The following MIDEAS variants were observed in gnomAD, a reference collection of about 807,000 sequenced individuals.
MIDEAS encodes mitotic deacetylase-associated SANT domain protein.
MIDEAS carries 26 observed loss-of-function variants against 102.7 expected under a neutral mutation model. The observed-to-expected ratio is 0.25, with a 90% CI of 0.19 to 0.35. The LOEUF (loss-of-function observed/expected upper bound fraction) is 0.35. Among genes scored for constraint, MIDEAS ranks in the 10% least tolerant of loss-of-function variants. The pLI is 1.00. For synonymous variants in MIDEAS, 585 were observed against 591.0 expected, an observed-to-expected ratio of 0.99 and a Z score of 0.15; for missense variants, 1,231 against 1,435.6, an observed-to-expected ratio of 0.86 and a Z score of 2.30.
intron 1 of MIDEAS, 116 bp from the exon 2 acceptor site, chr14:73,740,371 C>G: frequency 5.0e-6 from 2 of 398,224 alleles, no homozygotes; most frequent in Non-Finnish European, 8.8e-6. Flanking sequence ...CCTCATATCA[C>G]AGGGACAGGC....
rs1478941205 is a variant in MIDEAS at position 73,715,231 on chromosome 14, TATTA to T, written c.*3608_*3611del. 2.0e-5 allele frequency: 3 copies of T among 152,686 alleles called. No homozygotes were observed. The highest frequency in any genetic ancestry group is 4.8e-5 in the African/African-American group (2 of 41,468). The allele number at this position is 152,686 out of a possible 1,614,324, so 9.5% of individuals were successfully genotyped here. ...ATCACATCAGCAAGATTCTTTAGTG[TATTA>T]ATTTTTTTCTTATAAAAAGCACACA... On this transcript the variant is annotated 3_prime_UTR_variant, in exon 13 of 13. Transcript: ENST00000423556.
intron 4 of MIDEAS, chr14:73,729,104 C>T: frequency 6.5e-6 from 1 of 153,944 alleles, no homozygotes. Context: ...TCACCCCAAG[C>T]CAGCCCAATA....
At chr14:73,736,414 G>A (rs973802632) in intron 3 of MIDEAS, among the ~76,000 whole-genome samples, 2 of 151,918 alleles carry the variant, frequency 1.3e-5, no homozygotes, top group African/African-American at 4.8e-5. Flanking sequence ...GGCGGATCAC[G>A]AGGTCAGGAG....
At chr14:73,750,707 T>C (rs1156409106) in intron 1 of MIDEAS, among the ~76,000 whole-genome samples, 3 of 152,254 alleles carry the variant, frequency 2.0e-5, no homozygotes, top group African/African-American at 7.2e-5. Flanking sequence ...GGGATGTCAA[T>C]GTTTACCTAC....
At chr14:73,786,094 C>G (rs1397072318) in intron 1 of MIDEAS, among the ~76,000 whole-genome samples, 1 of 152,206 alleles carries the variant, frequency 6.6e-6, no homozygotes, top group Non-Finnish European at 1.5e-5. Flanking sequence ...CACCATTCAA[C>G]CTCTAGGACA....
intron 10 of MIDEAS, 108 bp downstream of exon 10, chr14:73,722,590 A>C: frequency 7.3e-7 from 1 of 1,377,844 alleles, no homozygotes; most frequent in Non-Finnish European, 9.9e-7. Context: ...TGTCTTCCTC[A>C]ACCTGCCCTC....
chr14:73,742,200 C>A lies in MIDEAS; in HGVS notation c.-247-1945G>T, dbSNP rs200249257. 6.6e-6 allele frequency among the ~76,000 whole-genome samples: 1 copy of A among 152,270 alleles called. No individual in the cohort carries two copies. Among genetic ancestry groups the A allele is most frequent in the Admixed American group, 6.5e-5 (1 of 15,294 alleles). ...CAGAGAAAGGAAGAATGTGCGCCAG[C>A]CTGGCAAGCCCACGTGCCTCCAGGG... On this transcript the variant is annotated intron_variant, in intron 1 of 12. Coordinates refer to ENST00000423556, the MANE Select transcript of MIDEAS (RefSeq NM_001367710.1). The surrounding 1 kb of genome is among the most constrained non-coding windows in gnomAD (Gnocchi z 4.4).
upstream of MIDEAS, among the ~76,000 whole-genome samples, chr14:73,760,682 G>C (rs904714165): frequency 6.6e-6 from 1 of 152,174 alleles, no homozygotes; most frequent in East Asian, 1.9e-4. The surrounding 1 kb of genome is among the most constrained non-coding windows in gnomAD (Gnocchi z 4.8). Context: ...CCTCTCCATG[G>C]CATTTTATTA....
At chr14:73,724,551 A>G (rs1242225366) in intron 9 of MIDEAS, 1 of 152,418 alleles carries the variant, frequency 6.6e-6, no homozygotes, top group African/African-American at 2.4e-5. Flanking sequence ...AGGACTCCTC[A>G]CAACAGGGCC....
At chr14:73,778,366 A>T (rs569603073) in intron 1 of MIDEAS, among the ~76,000 whole-genome samples, 3 of 151,814 alleles carry the variant, frequency 2.0e-5, no homozygotes, top group Non-Finnish European at 4.4e-5. Context: ...CTGTCTCAAA[A>T]AAAAAAAAAA....
intron 1 of MIDEAS, among the ~76,000 whole-genome samples, chr14:73,748,025 T>C (rs2140138075): frequency 6.6e-6 from 1 of 152,330 alleles, no homozygotes; most frequent in South Asian, 2.1e-4. Context: ...GCTAAGTCCA[T>C]TGCAGGCAGC....
intron 1 of MIDEAS, among the ~76,000 whole-genome samples, chr14:73,783,054 G>A (rs1028813526): frequency 1.3e-5 from 2 of 152,056 alleles, no homozygotes; most frequent in Non-Finnish European, 2.9e-5. Flanking sequence ...CCAGACCTGG[G>A]GATACAAAGA....
intron 5 of MIDEAS, 86 bp from the exon 6 acceptor site, chr14:73,727,058 G>T: frequency 2.0e-6 from 3 of 1,495,206 alleles, no homozygotes; most frequent in East Asian, 2.3e-5. Context: ...AAGAAGATGA[G>T]GGGGAGCCGG....
intron 4 of MIDEAS, 45 bp from the exon 5 acceptor site, chr14:73,727,569 C>T (rs1257600899): frequency 1.3e-6 from 2 of 1,545,580 alleles, no homozygotes; most frequent in South Asian, 2.4e-5. Flanking sequence ...CCCCTTTCAG[C>T]AAAGCACCCC....
chr14:73,765,652 A>G (rs1016172117), intron 1 of MIDEAS, among the ~76,000 whole-genome samples: 1 of 152,162 alleles, frequency 6.6e-6, no homozygotes. Flanking sequence ...GCCTCAGCCC[A>G]CATGGCTAAA....
intron 1 of MIDEAS, among the ~76,000 whole-genome samples, chr14:73,743,423 G>A (rs1016399301): frequency 7.2e-5 from 11 of 152,140 alleles, no homozygotes; most frequent in Non-Finnish European, 1.5e-4. Flanking sequence ...ACTTCCTCCT[G>A]CACTGGCCAC....
chr14:73,779,626 G>A (rs1167518432), intron 1 of MIDEAS, among the ~76,000 whole-genome samples: 2 of 131,814 alleles, frequency 1.5e-5, no homozygotes, highest in African/African-American at 2.9e-5. Context: ...GCTGGACTGC[G>A]GACTGCAGTG....
At chr14:73,743,395 T>G (rs927886816) in intron 1 of MIDEAS, among the ~76,000 whole-genome samples, 1 of 152,158 alleles carries the variant, frequency 6.6e-6, no homozygotes, top group Non-Finnish European at 1.5e-5. Context: ...GAGGTCTACC[T>G]GCAGGGAGGC....
intron 1 of MIDEAS, among the ~76,000 whole-genome samples, chr14:73,755,482 C>T (rs989718064): frequency 2.6e-5 from 4 of 152,248 alleles, no homozygotes; most frequent in Non-Finnish European, 4.4e-5. Flanking sequence ...AAACCTCCTG[C>T]GAGGTCACAC....
Sources: gnomAD v4.1 joint callset for allele counts (sites outside exome capture counted in the v4.1 genomes callset) on GRCh38, gnomAD v4.1.1 for gene constraint, Gnocchi (gnomAD v3.1) non-coding constraint, MANE v1.5 for transcripts, NCBI Gene and HGNC (gene_info 2026-07-23, HGNC 2026-07-21) for gene names.